PTBP2: variants seen among roughly 807,000 people sequenced by gnomAD.
PTBP2 encodes the protein polypyrimidine tract binding protein 2, also known as polypyrimidine tract-binding protein 2.
In PTBP2, 13 loss-of-function variants were observed where a neutral mutation model predicts 61.4. The observed-to-expected ratio is 0.21, with a 90% confidence interval of 0.14 to 0.34. PTBP2 has a LOEUF of 0.34. Among genes scored for constraint, PTBP2 ranks in the 10% least tolerant of loss-of-function variants. The pLI is 1.00. For missense variants in PTBP2, 405 were observed against 642.6 expected (o/e 0.63, Z 4.00); for synonymous variants, 215 against 218.5 (o/e 0.98, Z 0.14).
intron 8 of PTBP2, among the ~76,000 whole-genome samples, chr1:96,793,207 A>G (rs573967273): frequency 1.3e-5 from 2 of 152,144 alleles, no homozygotes; most frequent in Non-Finnish European, 2.9e-5. Flanking sequence ...TATATGTGCA[A>G]TTTTAAATTA....
chr1:96,722,023 C>G, intron 1 of PTBP2, 151 bp downstream of exon 1: 3 of 1,045,612 alleles, frequency 2.9e-6, no homozygotes, highest in Non-Finnish European at 4.2e-6. Context: ...ACACCCCTCC[C>G]TTTGCTTCCC....
At chr1:96,736,785 T>G (rs1469209097) in intron 2 of PTBP2, among the ~76,000 whole-genome samples, 1 of 151,994 alleles carries the variant, frequency 6.6e-6, no homozygotes, top group Non-Finnish European at 1.5e-5. Context: ...CCAGTGACCC[T>G]CCCACCTCAG....
intron 7 of PTBP2, among the ~76,000 whole-genome samples, chr1:96,779,842 G>A (rs961752293): frequency 1.3e-5 from 2 of 151,288 alleles, no homozygotes; most frequent in Non-Finnish European, 3.0e-5. Context: ...CCTGCATCTG[G>A]GCTCTACTTA....
intron 8 of PTBP2, among the ~76,000 whole-genome samples, chr1:96,790,159 T>G (rs967308965): frequency 2.0e-5 from 3 of 152,176 alleles, no homozygotes; most frequent in Non-Finnish European, 4.4e-5. Flanking sequence ...TTTCACAGAT[T>G]AGACTAGTCT....
intron 1 of PTBP2, among the ~76,000 whole-genome samples, chr1:96,722,545 C>G (rs904296138): frequency 1.3e-5 from 2 of 152,068 alleles, no homozygotes; most frequent in African/African-American, 4.8e-5. Context: ...GAAAAAATGC[C>G]TTTTTGTGGG....
chr1:96,782,762 G>GT (rs1658827317), intron 7 of PTBP2, among the ~76,000 whole-genome samples: 1 of 151,884 alleles, frequency 6.6e-6, no homozygotes, highest in Admixed American at 6.6e-5. Flanking sequence ...CTTCAAAAAA[G>GT]TAAGTTATCA....
chr1:96,816,065 C>T (rs1372583698), downstream of PTBP2: 1 of 152,222 alleles, frequency 6.6e-6, no homozygotes, highest in Admixed American at 6.5e-5. Context: ...AAGTCCTGAG[C>T]TGTGTGTGTG....
rs146440251 is a variant in PTBP2, at chr1:96,753,783, T to A, written c.115+2283T>A. ...TATTCTAATTGAAAAATACAGTTTT[T>A]GAAATAGTTGGGACTGATTCACTGG... On this transcript the variant is annotated intron_variant, in intron 3 of 13. Transcript: ENST00000674951. Among the ~76,000 whole-genome samples, 663 of 152,292 alleles carry A rather than the reference T, an allele frequency of 4.4e-3. 1 individual carries two copies. The highest frequency in any genetic ancestry group is 0.015 in the African/African-American group (611 of 41,556).
exon 14 of PTBP2, chr1:96,822,316 G>A (rs1160331561): frequency 2.0e-5 from 3 of 152,164 alleles, no homozygotes; most frequent in Admixed American, 1.3e-4. Context: ...AGAACAGTTT[G>A]TTTAAAAGTT....
At chr1:96,731,007 CTGTT>C (rs1469911910) in intron 2 of PTBP2, among the ~76,000 whole-genome samples, 1 of 152,066 alleles carries the variant, frequency 6.6e-6, no homozygotes, top group African/African-American at 2.4e-5. Context: ...TAGAAGTCCA[CTGTT>C]TTTTTTTAAT....
rs114918471 is a variant in PTBP2 at position 96,770,498 on chromosome 1, A to G, written c.289-210A>G. On this transcript the variant is annotated intron_variant, in intron 4 of 13. Coordinates refer to ENST00000674951, the MANE Select transcript of PTBP2 (RefSeq NM_021190.4). ...TGAAAAATCATAGGTGGAAGGCAGAAGCAGCGTGTACTCGGTTTTCTTCTG... is the reference window on the plus strand; with the variant it reads ...TGAAAAATCATAGGTGGAAGGCAGAGGCAGCGTGTACTCGGTTTTCTTCTG... 6.4e-3 allele frequency among the ~76,000 whole-genome samples: 974 copies of G among 152,138 alleles called. 6 individuals carry two copies. The highest frequency in any genetic ancestry group is 0.011 in the Non-Finnish European group (773 of 67,876).
At chr1:96,792,000 A>G (rs1457546359) in intron 8 of PTBP2, among the ~76,000 whole-genome samples, 1 of 151,270 alleles carries the variant, frequency 6.6e-6, no homozygotes, top group Admixed American at 6.6e-5. Context: ...CGCCCAGCTA[A>G]TTTCTTCATA....
Position 96,738,192 on chromosome 1 carries a change from C to T in PTBP2, c.40-13233C>T, listed in dbSNP as rs935126761. On this transcript the variant is annotated intron_variant, in intron 2 of 13. Coordinates refer to ENST00000674951, the MANE Select transcript of PTBP2 (RefSeq NM_021190.4). Reference sequence around the variant, plus strand: ...AGCAAACATCTACTACACCCATTTCCAGTTCTTTGTCTTAATAGTTCAACT... The same window carrying T: ...AGCAAACATCTACTACACCCATTTCTAGTTCTTTGTCTTAATAGTTCAACT... 2.0e-5 allele frequency among the ~76,000 whole-genome samples: 3 copies of T among 152,042 alleles called. No homozygotes were observed. In the East Asian group the frequency reaches 5.8e-4, roughly 29 times the overall value.
intron 8 of PTBP2, among the ~76,000 whole-genome samples, chr1:96,791,848 T>TTTA (rs1659869447): frequency 6.9e-6 from 1 of 145,686 alleles, no homozygotes; most frequent in Non-Finnish European, 1.5e-5. Flanking sequence ...TTTTTTTTTT[T>TTTA]TGAGATAGAG....
Position 96,813,312 on chromosome 1 carries a change from G to A in PTBP2, c.1503G>A (p.Val501=). 2.5e-6 allele frequency: 4 copies of A among 1,608,130 alleles called. No individual in the cohort carries two copies. The highest frequency in any genetic ancestry group is 3.4e-6 in the Non-Finnish European group (4 of 1,177,860). ...TGGCTCTTCTTCAGATGGCAACAGT[G>A]GAAGAAGCTATTCAGGCCTTGATTG... ...HKMALLQMAT[V]EEAIQALIDL... The change falls in exon 14 of 14, where the codon GTG becomes GTA. Residue 501 remains valine, a synonymous_variant. Coordinates refer to ENST00000674951, the MANE Select transcript of PTBP2 (RefSeq NM_021190.4).
At chr1:96,803,633 G>A (rs995168587) in intron 8 of PTBP2, among the ~76,000 whole-genome samples, 1 of 152,052 alleles carries the variant, frequency 6.6e-6, no homozygotes. Flanking sequence ...GCCAATGAAA[G>A]GTCATAGTAG....
intron 7 of PTBP2, 34 bp from the exon 8 acceptor site, chr1:96,785,025 T>G: frequency 7.0e-7 from 1 of 1,430,592 alleles, no homozygotes; most frequent in Non-Finnish European, 9.4e-7. Flanking sequence ...ATTTTTTGTT[T>G]AAGATTGCTG....
At chr1:96,791,680 AC>A (rs1275706952) in intron 8 of PTBP2, among the ~76,000 whole-genome samples, 1 of 152,102 alleles carries the variant, frequency 6.6e-6, no homozygotes, top group Non-Finnish European at 1.5e-5. Context: ...GTTTTCTGCC[AC>A]CATTGGATCT....
intron 2 of PTBP2, among the ~76,000 whole-genome samples, chr1:96,729,532 C>T (rs1055008767): frequency 1.3e-5 from 2 of 152,060 alleles, no homozygotes; most frequent in Non-Finnish European, 2.9e-5. Flanking sequence ...ACACAGTTCA[C>T]TAGTGAAGCC....
Sources: allele counts gnomAD v4.1 joint callset (sites outside exome capture counted in the v4.1 genomes callset), GRCh38; gene constraint gnomAD v4.1.1; transcripts MANE v1.5; gene names NCBI Gene and HGNC (gene_info 2026-07-23, HGNC 2026-07-21).